The following KHDRBS2 variants were observed in gnomAD, a reference collection of about 807,000 sequenced individuals.
KHDRBS2 encodes KH domain-containing, RNA-binding, signal transduction-associated protein 2.
In KHDRBS2, 26 loss-of-function variants were observed where a neutral mutation model predicts 44.3. The observed-to-expected ratio is 0.59, with a 90% CI of 0.43 to 0.81. The LOEUF (loss-of-function observed/expected upper bound fraction) is 0.81, where lower values mean the gene tolerates loss of function less well. Among genes scored for constraint, KHDRBS2 ranks in the 40% least tolerant of loss-of-function variants. The pLI is 0.00. For missense variants in KHDRBS2, 476 were observed against 433.1 expected, an observed-to-expected ratio of 1.10 and a Z score of -0.88; for synonymous variants, 194 against 151.1, an observed-to-expected ratio of 1.28 and a Z score of -2.08.
At chr6:61,620,209 AC>A in the KHDRBS2 span, among the ~76,000 whole-genome samples, 1 of 152,132 alleles carries the variant, frequency 6.6e-6, no homozygotes, top group African/African-American at 2.4e-5. Context: ...GTTTAAATCC[AC>A]TTTCTTAATT....
intron 2 of KHDRBS2, among the ~76,000 whole-genome samples, chr6:62,127,125 G>A (rs577881401): frequency 6.6e-6 from 1 of 152,252 alleles, no homozygotes; most frequent in South Asian, 2.1e-4. Context: ...AAACTAGGAG[G>A]ACATGGTGGC....
intron 7 of KHDRBS2, among the ~76,000 whole-genome samples, chr6:61,731,064 C>T (rs892362322): frequency 1.5e-4 from 23 of 151,988 alleles, no homozygotes; most frequent in African/African-American, 4.3e-4. Context: ...TTGTGTTTGT[C>T]GAGTGTAGTA....
the KHDRBS2 span, among the ~76,000 whole-genome samples, chr6:61,617,419 T>A: frequency 4.1e-5 from 5 of 122,388 alleles, no homozygotes; most frequent in African/African-American, 1.6e-4. Flanking sequence ...ATTTTGATTA[T>A]CTTCTTTCTA....
intron 4 of KHDRBS2, among the ~76,000 whole-genome samples, chr6:61,920,611 T>C (rs552055236): frequency 1.3e-3 from 197 of 152,094 alleles, no homozygotes; most frequent in African/African-American, 4.6e-3. Context: ...AATTATGAAA[T>C]GTAAAAAATG....
intron 4 of KHDRBS2, 40 bp downstream of exon 4, chr6:61,978,026 C>G: frequency 6.6e-7 from 1 of 1,520,772 alleles, no homozygotes; most frequent in Non-Finnish European, 8.9e-7. Context: ...AAAATAGAAG[C>G]TGATAAGAAA....
intron 3 of KHDRBS2, among the ~76,000 whole-genome samples, chr6:62,014,931 C>A (rs2127273657): frequency 6.6e-6 from 1 of 152,178 alleles, no homozygotes; most frequent in African/African-American, 2.4e-5. Context: ...GATATATCTG[C>A]AAATATATTT....
At chr6:61,631,303 G>GA in the KHDRBS2 span, among the ~76,000 whole-genome samples, 1 of 35,506 alleles carries the variant, frequency 2.8e-5, no homozygotes, top group Non-Finnish European at 4.9e-5. Context: ...AGACGAATAA[G>GA]CCAAAAAAAA....
At chr6:61,570,183 CA>C in the KHDRBS2 span, among the ~76,000 whole-genome samples, 1 of 152,006 alleles carries the variant, frequency 6.6e-6, no homozygotes, top group African/African-American at 2.4e-5. Flanking sequence ...AAAATCAATA[CA>C]GGATATGGAT....
intron 1 of KHDRBS2, among the ~76,000 whole-genome samples, chr6:62,255,077 T>C (rs938181187): frequency 1.3e-5 from 2 of 152,036 alleles, no homozygotes; most frequent in African/African-American, 4.8e-5. Context: ...ATCATGCAAA[T>C]GTAATCACTG....
chr6:62,007,393 C>A (rs1403322242), intron 3 of KHDRBS2, among the ~76,000 whole-genome samples: 6 of 150,710 alleles, frequency 4.0e-5, no homozygotes, highest in African/African-American at 1.5e-4. Context: ...AGCTCTTTTA[C>A]ATTTTGATGT....
chr6:61,749,724 C>A (rs547421333), intron 6 of KHDRBS2, among the ~76,000 whole-genome samples: 6 of 152,256 alleles, frequency 3.9e-5, no homozygotes, highest in South Asian at 2.1e-4. Context: ...ACATCATAAT[C>A]TCTGAGAGTT....
At chr6:62,069,481 T>C (rs1176447529) in intron 2 of KHDRBS2, among the ~76,000 whole-genome samples, 2 of 151,732 alleles carry the variant, frequency 1.3e-5, no homozygotes, top group African/African-American at 4.8e-5. Context: ...ATGACTTTGC[T>C]TTGCTTTCTG....
At chr6:62,130,398 CT>C (rs1810011711) in intron 2 of KHDRBS2, among the ~76,000 whole-genome samples, 1 of 152,098 alleles carries the variant, frequency 6.6e-6, no homozygotes, top group Non-Finnish European at 1.5e-5. Flanking sequence ...AGTATACAAT[CT>C]TAGTTAAGTT....
At chr6:62,195,667 G>C (rs1482870439) in intron 1 of KHDRBS2, among the ~76,000 whole-genome samples, 1 of 152,076 alleles carries the variant, frequency 6.6e-6, no homozygotes, top group East Asian at 1.9e-4. Context: ...TGGCCATTGG[G>C]TACTTGATAA....
intron 1 of KHDRBS2, among the ~76,000 whole-genome samples, chr6:62,191,256 C>T (rs776218996): frequency 3.9e-5 from 6 of 152,080 alleles, no homozygotes; most frequent in Non-Finnish European, 8.8e-5. Flanking sequence ...ACTTTCTAGT[C>T]TTCTTTCTTG....
At chr6:62,189,732 G>A (rs1261952065) in intron 1 of KHDRBS2, among the ~76,000 whole-genome samples, 4 of 152,094 alleles carry the variant, frequency 2.6e-5, no homozygotes, top group Non-Finnish European at 1.5e-5. Flanking sequence ...TAGAATGGAA[G>A]TCTAAGAAAA....
At chr6:61,552,005 T>A in the KHDRBS2 span, among the ~76,000 whole-genome samples, 2 of 151,970 alleles carry the variant, frequency 1.3e-5, no homozygotes, top group East Asian at 3.9e-4. Flanking sequence ...TACATGGATT[T>A]TGTATCCCAA....
At chr6:61,884,585 G>C (rs1800654479) in intron 6 of KHDRBS2, among the ~76,000 whole-genome samples, 1 of 151,928 alleles carries the variant, frequency 6.6e-6, no homozygotes, top group South Asian at 2.1e-4. Context: ...GCTTACATAA[G>C]CAGATTTTTA....
Position 61,955,649 on chromosome 6 carries a change from T to G in KHDRBS2, c.483+22417A>C, listed in dbSNP as rs1056203607. Among the ~76,000 whole-genome samples, 3 of 147,280 alleles carry G rather than the reference T, an allele frequency of 2.0e-5. 1 individual carries two copies. Among genetic ancestry groups the G allele is most frequent in the African/African-American group, 7.5e-5 (3 of 40,220 alleles). ...ATACATGTGTATATACACGTATGTA[T>G]GTATGCATATATGTGTATATGTACA... On this transcript the variant is annotated intron_variant, in intron 4 of 8. Transcript: ENST00000281156.
Sources: gnomAD v4.1 joint callset for allele counts (sites outside exome capture counted in the v4.1 genomes callset) on GRCh38, gnomAD v4.1.1 for gene constraint, MANE v1.5 for transcripts, NCBI Gene and HGNC (gene_info 2026-07-23, HGNC 2026-07-21) for gene names.